Variants in GLB1 observed in about 807,000 individuals in gnomAD.
The protein encoded by GLB1 is beta-galactosidase.
A neutral mutation model predicts 74.0 loss-of-function variants in GLB1; 56 were observed. The observed-to-expected ratio is 0.76, with a 90% CI of 0.61 to 0.94. The LOEUF (loss-of-function observed/expected upper bound fraction) is 0.94. GLB1 is among the 40% of genes least tolerant of loss of function. The pLI, the probability that GLB1 is intolerant of heterozygous loss-of-function variation, is 0.00. For missense variants in GLB1, 787 were observed against 845.5 expected, an observed-to-expected ratio of 0.93 and a Z score of 0.86; for synonymous variants, 323 against 323.6, an observed-to-expected ratio of 1.00 and a Z score of 0.02.
chr3:33,059,163 AG>A (rs1699342046), intron 5 of GLB1, among the ~76,000 whole-genome samples: 1 of 152,140 alleles, frequency 6.6e-6, no homozygotes, highest in Non-Finnish European at 1.5e-5. Flanking sequence ...ATGCATTCCC[AG>A]TGAGGTGGGT....
chr3:33,024,385 T>G (rs1697642585), intron 10 of GLB1, 60 bp from the exon 11 acceptor site: 1 of 1,524,504 alleles, frequency 6.6e-7, no homozygotes, highest in African/African-American at 1.4e-5. Context: ...TTCAGAAACA[T>G]ATTCATAAAA....
chr3:33,096,614 A>G lies in GLB1; in HGVS notation c.75+397T>C, dbSNP rs1575506398. On this transcript the variant is annotated intron_variant, in intron 1 of 15. Transcript: ENST00000307363. ...TTCCGGAGCGCTCCGCAGAGCACCA[A>G]CTGGGAAAGCGAGGGCGCCCCAAAC... 1.1e-5 allele frequency: 12 copies of G among 1,061,282 alleles called. No homozygotes were observed. In the South Asian group the frequency reaches 3.2e-4, roughly 28 times the overall value. 65.7% of individuals were successfully genotyped at this position (1,061,282 alleles called of 1,614,324 possible).
rs61013692 is a variant in GLB1 at position 33,022,564 on chromosome 3, A to ATTTTTTTTTTTTTTTTTTTTTTTTTT, written c.1144-910_1144-909insAAAAAAAAAAAAAAAAAAAAAAAAAA. ...TTCCATGACTATAATACTGGTTAGG[A>ATTTTTTTTTTTTTTTTTTTTTTTTTT]TTTTTTTTTTTTTTTTTTTGAGAGA... On this transcript the variant is annotated intron_variant, in intron 11 of 15. Transcript: ENST00000307363. Among the ~76,000 whole-genome samples, 10 of 63,764 alleles carry ATTTTTTTTTTTTTTTTTTTTTTTTTT rather than the reference A, an allele frequency of 1.6e-4. 4 individuals are homozygous for ATTTTTTTTTTTTTTTTTTTTTTTTTT. The highest frequency in any genetic ancestry group is 1.7e-4 in the Non-Finnish European group (6 of 34,610). 41.8% of individuals were successfully genotyped at this position (63,764 alleles called of 152,430 possible). A position where few individuals can be genotyped will look rare whatever the true frequency, so the allele number is the denominator to read the frequency against.
rs772490092 is a variant in GLB1, at chr3:33,085,274, C to CAAAAAAA, written c.75+11730_75+11736dup. On this transcript the variant is annotated intron_variant, in intron 1 of 15. Transcript: ENST00000307363. Reference sequence around the variant, plus strand: ...AGAGTGACAGAGCAAGAGTCTGTTTCAAAAAAAAAAAAAAAAAAAGCGAGA... The same window carrying CAAAAAAA: ...AGAGTGACAGAGCAAGAGTCTGTTTCAAAAAAAAAAAAAAAAAAAAAAAAAAGCGAGA... 1.2e-3 allele frequency among the ~76,000 whole-genome samples: 86 copies of CAAAAAAA among 74,120 alleles called. 2 individuals carry two copies. The highest frequency in any genetic ancestry group is 3.6e-3 in the African/African-American group (70 of 19,634). The allele number at this position is 74,120 out of a possible 152,430, so 48.6% of individuals were successfully genotyped here.
the GLB1 span, among the ~76,000 whole-genome samples, chr3:32,980,234 A>T: frequency 7.9e-5 from 12 of 152,266 alleles, no homozygotes; most frequent in East Asian, 9.6e-4. Flanking sequence ...AATTTTTTTT[A>T]AAATACAAGA....
rs1696321544 is a variant in GLB1 at position 32,996,790 on chromosome 3, TACC to T, written c.*252_*254del. 1.9e-6 allele frequency: 1 copy of T among 538,188 alleles called. No individual in the cohort carries two copies. The allele number at this position is 538,188 out of a possible 1,614,324, so 33.3% of individuals were successfully genotyped here. Reference sequence around the variant, plus strand: ...ATGATTCTTCCAAAATAAAAATCACTACCACCTTTAAAGCTTCCATTCCAGCCC... The same window carrying T: ...ATGATTCTTCCAAAATAAAAATCACTACCTTTAAAGCTTCCATTCCAGCCC... On this transcript the variant is annotated 3_prime_UTR_variant, in exon 16 of 16. Coordinates refer to ENST00000307363, the MANE Select transcript of GLB1 (RefSeq NM_000404.4).
the GLB1 span, among the ~76,000 whole-genome samples, chr3:32,964,236 C>A: frequency 6.6e-6 from 1 of 152,178 alleles, no homozygotes; most frequent in African/African-American, 2.4e-5. Context: ...TAGGGAGCTT[C>A]CTCCTAATTG....
At chr3:33,014,674 C>G (rs909011356) in intron 14 of GLB1, among the ~76,000 whole-genome samples, 3 of 152,086 alleles carry the variant, frequency 2.0e-5, no homozygotes, top group Non-Finnish European at 4.4e-5. Flanking sequence ...AGATGGGCAC[C>G]AAGAAAGATG....
rs748948967 is a variant in GLB1, at chr3:32,997,218, G to A, written c.1861C>T (p.Leu621=). The change falls in exon 16 of 16, where the codon CTG becomes TTG. Residue 621 remains leucine, a synonymous_variant. Coordinates refer to ENST00000307363, the MANE Select transcript of GLB1 (RefSeq NM_000404.4). ...TCACTGCTGCAGGGTGCCCACTCCAGTTCCAGCACGGTGATGGTGTTTGGG... is the reference window on the plus strand; with the variant it reads ...TCACTGCTGCAGGGTGCCCACTCCAATTCCAGCACGGTGATGGTGTTTGGG... ...SAPNTITVLE[L]EWAPCSSDDP... is the part of the protein sequence containing the mutation. The A allele has an allele frequency of 1.9e-5, 31 of 1,614,096 alleles. No individual in the cohort carries two copies. In the Admixed American group the frequency reaches 5.0e-4, roughly 26 times the overall value.
At chr3:32,991,965 C>T (rs1049352350), downstream of GLB1, among the ~76,000 whole-genome samples, 1 of 152,258 alleles carries the variant, frequency 6.6e-6, no homozygotes, top group Non-Finnish European at 1.5e-5. Flanking sequence ...GACAACAGCA[C>T]ACATTGCAAC....
intron 12 of GLB1, among the ~76,000 whole-genome samples, chr3:33,018,936 G>T (rs1697357043): frequency 6.6e-6 from 1 of 152,098 alleles, no homozygotes; most frequent in Non-Finnish European, 1.5e-5. Context: ...AAAAAACAAG[G>T]CAAACAAACA....
At chr3:32,966,291 C>G in the GLB1 span, among the ~76,000 whole-genome samples, 1 of 152,340 alleles carries the variant, frequency 6.6e-6, no homozygotes, top group South Asian at 2.1e-4. Context: ...CCATCTCTTG[C>G]ATCACCATGA....
chr3:32,995,866 T>G (rs952385473), downstream of GLB1, among the ~76,000 whole-genome samples: 1 of 145,556 alleles, frequency 6.9e-6, no homozygotes, highest in Non-Finnish European at 1.5e-5. Context: ...AAAAAAAAAT[T>G]ACATATTCCC....
intron 12 of GLB1, 126 bp downstream of exon 12, chr3:33,021,440 T>C (rs2125474393): frequency 1.0e-6 from 1 of 1,004,760 alleles, no homozygotes; most frequent in East Asian, 2.6e-5. Context: ...ATGGTTCATT[T>C]ACCTGGGATC....
At chr3:33,094,204 C>A in intron 1 of GLB1, 1 of 1,586,550 alleles carries the variant, frequency 6.3e-7, no homozygotes, top group South Asian at 1.1e-5. Flanking sequence ...ATTTTCTCTG[C>A]TCCTAGTAGG....
intron 1 of GLB1, chr3:33,092,345 T>C: frequency 4.0e-6 from 4 of 987,860 alleles, no homozygotes; most frequent in Non-Finnish European, 4.8e-6. Context: ...CCATCTTGCC[T>C]GTTCTCCCAA....
the GLB1 span, among the ~76,000 whole-genome samples, chr3:32,988,440 G>T: frequency 6.6e-6 from 1 of 152,206 alleles, no homozygotes; most frequent in African/African-American, 2.4e-5. Flanking sequence ...TTCTACATAT[G>T]TTACTATTCA....
chr3:32,981,399 C>CAAAAAAAAAAAAAAAAA, the GLB1 span, among the ~76,000 whole-genome samples: 1 of 90,482 alleles, frequency 1.1e-5, no homozygotes. Flanking sequence ...GACTCCATCT[C>CAAAAAAAAAAAAAAAAA]AAAAAAAAAA....
At chr3:33,010,757 G>T (rs977772020) in intron 15 of GLB1, among the ~76,000 whole-genome samples, 1 of 152,152 alleles carries the variant, frequency 6.6e-6, no homozygotes, top group Admixed American at 6.5e-5. Flanking sequence ...AGAAATTTTA[G>T]AAGTTTTATA....
Sources: allele counts gnomAD v4.1 joint callset (sites outside exome capture counted in the v4.1 genomes callset), GRCh38; gene constraint gnomAD v4.1.1; transcripts MANE v1.5; gene names NCBI Gene and HGNC (gene_info 2026-07-23, HGNC 2026-07-21).